The following PAN3 variants were observed in gnomAD, a reference collection of about 807,000 sequenced individuals.
PAN3 encodes PAN2-PAN3 deadenylation complex subunit PAN3.
Under a neutral mutation model 96.2 loss-of-function variants are expected in PAN3, and 19 were observed. The observed-to-expected ratio is 0.20, with a 90% confidence interval of 0.14 to 0.29. The LOEUF (loss-of-function observed/expected upper bound fraction) is 0.29. Among genes scored for constraint, PAN3 ranks in the 10% least tolerant of loss-of-function variants. The probability of loss-of-function intolerance (pLI) is 1.00; values close to 1 mark genes in which losing one functional copy is unlikely to be tolerated. For synonymous variants in PAN3, 433 were observed against 406.6 expected (o/e 1.06, Z -0.78); for missense variants, 882 against 1,108.1 (o/e 0.80, Z 2.90).
intron 4 of PAN3, among the ~76,000 whole-genome samples, chr13:28,189,474 C>T (rs1298417177): frequency 6.6e-6 from 1 of 152,010 alleles, no homozygotes; most frequent in East Asian, 1.9e-4. Flanking sequence ...CGAGATCATG[C>T]CACTGCACTC....
At chr13:28,151,274 G>C (rs1248969900) in intron 1 of PAN3, among the ~76,000 whole-genome samples, 1 of 152,150 alleles carries the variant, frequency 6.6e-6, no homozygotes, top group African/African-American at 2.4e-5. Flanking sequence ...CCAGCACTTT[G>C]GGAGGCCGAG....
At chr13:28,244,404 CTTTT>C (rs999060539) in intron 6 of PAN3, among the ~76,000 whole-genome samples, 1 of 152,218 alleles carries the variant, frequency 6.6e-6, no homozygotes, top group Admixed American at 6.5e-5. Flanking sequence ...GGGAGATTCA[CTTTT>C]TTTATTTTAT....
intron 5 of PAN3, among the ~76,000 whole-genome samples, chr13:28,216,380 T>C (rs1378003821): frequency 6.6e-6 from 1 of 152,136 alleles, no homozygotes; most frequent in Non-Finnish European, 1.5e-5. Context: ...GTGCAGACTT[T>C]AGTATGATGT....
At chr13:28,232,629 A>G (rs1289396814) in intron 6 of PAN3, 1 of 151,852 alleles carries the variant, frequency 6.6e-6, no homozygotes, top group Non-Finnish European at 1.5e-5. Context: ...AAAAATTTAT[A>G]AAGATTAAAA....
At chr13:28,191,061 C>T (rs1024849514) in intron 4 of PAN3, among the ~76,000 whole-genome samples, 1 of 152,066 alleles carries the variant, frequency 6.6e-6, no homozygotes, top group African/African-American at 2.4e-5. Flanking sequence ...CCACTGTGTT[C>T]ATAAGGTTGG....
At chr13:28,257,437 G>T (rs1299714383) in intron 7 of PAN3, among the ~76,000 whole-genome samples, 1 of 151,440 alleles carries the variant, frequency 6.6e-6, no homozygotes, top group African/African-American at 2.4e-5. Context: ...TAAAACAGGG[G>T]TCCTCAATCC....
chr13:28,178,902 A>G (rs946441549), intron 4 of PAN3, among the ~76,000 whole-genome samples: 6 of 152,212 alleles, frequency 3.9e-5, no homozygotes, highest in African/African-American at 1.2e-4. Context: ...TATACATTAA[A>G]TATGTATAGC....
At chr13:28,227,308 G>C (rs1882104711) in intron 6 of PAN3, among the ~76,000 whole-genome samples, 1 of 152,110 alleles carries the variant, frequency 6.6e-6, no homozygotes. Flanking sequence ...CTGGTTAATG[G>C]GTCCTCATAG....
At chr13:28,261,268 A>G (rs918014205) in intron 8 of PAN3, 133 bp from the exon 9 acceptor site, 3 of 511,588 alleles carry the variant, frequency 5.9e-6, no homozygotes, top group Non-Finnish European at 1.0e-5. Flanking sequence ...GAAATGTTTT[A>G]ATATTTAAAT....
chr13:28,212,773 TAGAAACTGCCCC>T (rs557844215), intron 5 of PAN3, among the ~76,000 whole-genome samples: 77 of 152,282 alleles, frequency 5.1e-4, no homozygotes, highest in African/African-American at 1.8e-3. Flanking sequence ...GGCATAGCAA[TAGAAACTGCCCC>T]AGAAAACCAC....
intron 1 of PAN3, among the ~76,000 whole-genome samples, chr13:28,145,232 C>T (rs939461658): frequency 6.6e-6 from 1 of 151,694 alleles, no homozygotes; most frequent in African/African-American, 2.4e-5. Flanking sequence ...TTTACATTTC[C>T]ACGGTCTTAT....
At chr13:28,280,625 T>A (rs1381937937) in intron 16 of PAN3, 84 bp downstream of exon 16, 4 of 1,237,464 alleles carry the variant, frequency 3.2e-6, no homozygotes, top group Non-Finnish European at 4.3e-6. Context: ...GCAGTGGTGC[T>A]ATCTCGGCTT....
At chr13:28,141,454 C>CTTTTTTTTTTTTTTTTTTTT (rs1171413517) in intron 1 of PAN3, among the ~76,000 whole-genome samples, 1 of 123,912 alleles carries the variant, frequency 8.1e-6, no homozygotes, top group African/African-American at 3.0e-5. Flanking sequence ...TTTTCTTTTT[C>CTTTTTTTTTTTTTTTTTTTT]TTTTTTTCTT....
chr13:28,158,041 C>T (rs115030084), intron 1 of PAN3, among the ~76,000 whole-genome samples: 1,725 of 152,230 alleles, frequency 0.011, 32 homozygotes, highest in African/African-American at 0.039. Flanking sequence ...AGAAATAAAG[C>T]CTCACACCTA....
At chr13:28,279,696 G>C (rs1251442973) in intron 15 of PAN3, among the ~76,000 whole-genome samples, 4 of 151,322 alleles carry the variant, frequency 2.6e-5, no homozygotes, top group Non-Finnish European at 5.9e-5. Flanking sequence ...GGAGGCAGAG[G>C]TTGCAGTGAG....
intron 6 of PAN3, among the ~76,000 whole-genome samples, chr13:28,242,815 T>G (rs1415210855): frequency 6.6e-6 from 1 of 152,240 alleles, no homozygotes; most frequent in Non-Finnish European, 1.5e-5. Context: ...CCTCTCCAGT[T>G]GTTCCCAGGT....
At chr13:28,161,065 A>G (rs1209784610) in intron 1 of PAN3, among the ~76,000 whole-genome samples, 1 of 151,974 alleles carries the variant, frequency 6.6e-6, no homozygotes. Context: ...TTAAACTTCC[A>G]TTTTCCCTTT....
chr13:28,256,219 C>A, intron 6 of PAN3, 73 bp from the exon 7 acceptor site: 1 of 1,429,576 alleles, frequency 7.0e-7, no homozygotes, highest in South Asian at 1.4e-5. Flanking sequence ...TGAATGTTTG[C>A]ATTTTATTTT....
intron 18 of PAN3, among the ~76,000 whole-genome samples, chr13:28,289,207 T>G (rs777806017): frequency 3.3e-5 from 5 of 152,210 alleles, no homozygotes; most frequent in Admixed American, 3.3e-4. Flanking sequence ...CCAGCTGTTA[T>G]AAATGGTGAA....
Sources: allele counts gnomAD v4.1 joint callset (sites outside exome capture counted in the v4.1 genomes callset), GRCh38; gene constraint gnomAD v4.1.1; transcripts MANE v1.5; gene names NCBI Gene and HGNC (gene_info 2026-07-23, HGNC 2026-07-21).